Variants in CNTNAP2 observed in about 807,000 individuals in gnomAD.
CNTNAP2 encodes contactin-associated protein-like 2.
A neutral mutation model predicts 155.2 loss-of-function variants in CNTNAP2; 98 were observed. The ratio of observed to expected loss-of-function variants is 0.63; its 90% CI spans 0.54 to 0.75. The LOEUF (loss-of-function observed/expected upper bound fraction) is 0.75, where lower values mean the gene tolerates loss of function less well. CNTNAP2 is among the 30% of genes least tolerant of loss of function. The probability of loss-of-function intolerance (pLI) is 0.00; values close to 1 mark genes in which losing one functional copy is unlikely to be tolerated. For synonymous variants in CNTNAP2, 651 were observed against 631.2 expected (o/e 1.03, Z -0.47); for missense variants, 1,727 against 1,688.1 (o/e 1.02, Z -0.40).
At chr7:146,816,429 A>C (rs957768172) in intron 2 of CNTNAP2, among the ~76,000 whole-genome samples, 4 of 152,124 alleles carry the variant, frequency 2.6e-5, no homozygotes, top group Non-Finnish European at 4.4e-5. Context: ...CTCAGCCTGA[A>C]AGTATTCCCA....
chr7:146,174,125 G>A (rs1449444527), intron 1 of CNTNAP2, among the ~76,000 whole-genome samples: 1 of 151,670 alleles, frequency 6.6e-6, no homozygotes, highest in African/African-American at 2.4e-5. Context: ...GGATTGCGTT[G>A]AGCCCAGGGG....
At chr7:147,442,287 C>A (rs1052252498) in intron 10 of CNTNAP2, among the ~76,000 whole-genome samples, 1 of 152,204 alleles carries the variant, frequency 6.6e-6, no homozygotes, top group Admixed American at 6.5e-5. Context: ...ATGGCCACTG[C>A]CACTACAGGT....
At chr7:146,695,917 C>A (rs145983981) in intron 1 of CNTNAP2, among the ~76,000 whole-genome samples, 14 of 152,082 alleles carry the variant, frequency 9.2e-5, no homozygotes, top group African/African-American at 3.1e-4. Flanking sequence ...GTGTATAATT[C>A]TTTTTATACA....
chr7:146,271,161 C>T (rs1352225057), intron 1 of CNTNAP2, among the ~76,000 whole-genome samples: 5 of 152,022 alleles, frequency 3.3e-5, no homozygotes, highest in African/African-American at 1.2e-4. Context: ...GAGTCTTACA[C>T]CTTTTCTTGC....
chr7:148,248,606 G>A (rs576259944), intron 20 of CNTNAP2, among the ~76,000 whole-genome samples: 2 of 151,962 alleles, frequency 1.3e-5, no homozygotes, highest in African/African-American at 4.8e-5. Flanking sequence ...TTAATTGCTG[G>A]GTGGTAATAC....
chr7:146,788,424 T>C (rs1802614699), intron 2 of CNTNAP2, among the ~76,000 whole-genome samples: 1 of 152,234 alleles, frequency 6.6e-6, no homozygotes, highest in Non-Finnish European at 1.5e-5. Context: ...TCATATGTTC[T>C]CATAGGATCA....
chr7:147,937,376 C>T (rs543664560), intron 14 of CNTNAP2, among the ~76,000 whole-genome samples: 15 of 152,248 alleles, frequency 9.9e-5, no homozygotes, highest in African/African-American at 3.6e-4. Flanking sequence ...ACAGTGGTTG[C>T]CCATGGTTTG....
intron 10 of CNTNAP2, among the ~76,000 whole-genome samples, chr7:147,411,634 A>G (rs7792070): frequency 0.26 from 39,318 of 152,070 alleles, 5,778 homozygotes; most frequent in African/African-American, 0.39. Flanking sequence ...CAGAAATTTC[A>G]TCTGATTTTC....
chr7:146,906,511 C>A (rs1158682639), intron 3 of CNTNAP2, among the ~76,000 whole-genome samples: 3 of 152,076 alleles, frequency 2.0e-5, no homozygotes, highest in East Asian at 3.9e-4. Context: ...CCCGAGCAGC[C>A]TAACTGGGAG....
At chr7:148,331,837 C>T (rs1027429443) in intron 21 of CNTNAP2, among the ~76,000 whole-genome samples, 4 of 121,978 alleles carry the variant, frequency 3.3e-5, no homozygotes, top group Admixed American at 2.6e-4. Context: ...CCAGTAGCTA[C>T]GAATTCCCCC....
intron 18 of CNTNAP2, among the ~76,000 whole-genome samples, chr7:148,202,096 C>T (rs1222014304): frequency 1.3e-5 from 2 of 151,960 alleles, no homozygotes; most frequent in Admixed American, 1.3e-4. Context: ...GAGCCTTTTG[C>T]AGAATCCTTT....
At chr7:147,870,932 A>G (rs1386654389) in intron 13 of CNTNAP2, among the ~76,000 whole-genome samples, 1 of 152,010 alleles carries the variant, frequency 6.6e-6, no homozygotes, top group Non-Finnish European at 1.5e-5. Context: ...CTAACCAAGC[A>G]TCTCCCCCTA....
At chr7:146,845,472 TAAAG>T (rs1803823168) in intron 3 of CNTNAP2, among the ~76,000 whole-genome samples, 1 of 152,190 alleles carries the variant, frequency 6.6e-6, no homozygotes, top group Non-Finnish European at 1.5e-5. Context: ...ATTATGTAAG[TAAAG>T]AAATTTTTCA....
In CNTNAP2 at chr7:148,217,551, C is replaced by A. The variant is rs374005174; in HGVS notation, c.3247+27C>A. On this transcript the variant is annotated intron_variant, in intron 19 of 23. Transcript: ENST00000361727. Reference sequence around the variant, plus strand: ...TAAGGACAAGGATACCCAGCCTCTGCCATTTAACATTTGGGCAGACAGAAT... The same window carrying A: ...TAAGGACAAGGATACCCAGCCTCTGACATTTAACATTTGGGCAGACAGAAT... 1.6e-4 allele frequency: 254 copies of A among 1,602,964 alleles called. 1 individual carries two copies. Among genetic ancestry groups the A allele is most frequent in the Non-Finnish European group, 1.7e-4 (202 of 1,169,976 alleles).
intron 16 of CNTNAP2, among the ~76,000 whole-genome samples, chr7:148,128,206 G>A (rs990857539): frequency 6.6e-6 from 1 of 152,078 alleles, no homozygotes; most frequent in African/African-American, 2.4e-5. Flanking sequence ...GCCAACTTGG[G>A]TTATCAACAT....
Position 147,925,188 on chromosome 7 carries a change from A to AAGGAAGGAAGGAAGG in CNTNAP2, c.2255+21469_2255+21483dup, listed in dbSNP as rs1563137221. Among the ~76,000 whole-genome samples the AAGGAAGGAAGGAAGG allele has an allele frequency of 1.1e-3, 165 of 150,190 alleles. 2 individuals carry two copies. The highest frequency in any genetic ancestry group is 3.9e-3 in the African/African-American group (160 of 40,560). ...GAAGGAAGGAAGGAAGGAAGGAAGG[A>AAGGAAGGAAGGAAGG]AGGAAGGAAGGAAGGAAGGAAAGAA... On this transcript the variant is annotated intron_variant, in intron 14 of 23. Transcript: ENST00000361727.
chr7:147,365,114 T>C (rs577057279), intron 9 of CNTNAP2, among the ~76,000 whole-genome samples: 2 of 152,136 alleles, frequency 1.3e-5, no homozygotes, highest in Middle Eastern at 3.4e-3. Flanking sequence ...TTAAAACTTA[T>C]ATGAATAGGC....
intron 1 of CNTNAP2, among the ~76,000 whole-genome samples, chr7:146,715,390 C>A (rs968816475): frequency 4.6e-5 from 7 of 152,138 alleles, no homozygotes; most frequent in Non-Finnish European, 1.5e-5. Flanking sequence ...TACAGCAAGT[C>A]CCTGGGCCTT....
chr7:147,311,823 C>G (rs2116797132), intron 9 of CNTNAP2, among the ~76,000 whole-genome samples: 1 of 152,160 alleles, frequency 6.6e-6, no homozygotes, highest in African/African-American at 2.4e-5. Flanking sequence ...GCTGGAAATT[C>G]AAGTAATATT....
Sources: gnomAD v4.1 joint callset for allele counts (sites outside exome capture counted in the v4.1 genomes callset) on GRCh38, gnomAD v4.1.1 for gene constraint, MANE v1.5 for transcripts, NCBI Gene and HGNC (gene_info 2026-07-23, HGNC 2026-07-21) for gene names.